The following HMGA1 variants were observed in gnomAD, a reference collection of about 807,000 sequenced individuals.
HMGA1 encodes high mobility group protein HMG-I/HMG-Y.
Under a neutral mutation model 15.1 loss-of-function variants are expected in HMGA1, and 1 was observed. The observed-to-expected ratio is 0.07, with a 90% CI of 0.02 to 0.31. The LOEUF (loss-of-function observed/expected upper bound fraction) is 0.31, where lower values mean the gene tolerates loss of function less well. Among genes scored for constraint, HMGA1 ranks in the 10% least tolerant of loss-of-function variants. The pLI is 1.00. For missense variants in HMGA1, 94 were observed against 141.4 expected (o/e 0.66, Z 1.70); for synonymous variants, 56 against 54.8 (o/e 1.02, Z -0.10).
At chr6:34,238,006 T>G (rs2127537839) in intron 2 of HMGA1, among the ~76,000 whole-genome samples, 1 of 152,166 alleles carries the variant, frequency 6.6e-6, no homozygotes, top group East Asian at 1.9e-4. Flanking sequence ...TTTGCTGGGC[T>G]CTGTTGGAAC....
intron 2 of HMGA1, 103 bp from the exon 3 acceptor site, chr6:34,240,634 G>C (rs1762225941): frequency 3.2e-6 from 3 of 945,172 alleles, no homozygotes; most frequent in Admixed American, 4.0e-5. Context: ...GGGGGCCCAT[G>C]GGAGCACAGT....
At chr6:34,237,415 C>T (rs1396699100) in intron 2 of HMGA1, 98 bp downstream of exon 2, 1 of 144,242 alleles carries the variant, frequency 6.9e-6, no homozygotes, top group African/African-American at 2.5e-5. Context: ...GGGGCTGCAG[C>T]GCGCGCCGCC....
chr6:34,238,967 C>T (rs1306514188), intron 2 of HMGA1: 4 of 152,142 alleles, frequency 2.6e-5, no homozygotes, highest in African/African-American at 9.7e-5. Flanking sequence ...GGTCAGCACT[C>T]GTTTAGTTGA....
intron 3 of HMGA1, among the ~76,000 whole-genome samples, chr6:34,241,757 G>GGA (rs1363963963): frequency 6.6e-6 from 1 of 152,254 alleles, no homozygotes; most frequent in East Asian, 1.9e-4. Flanking sequence ...AGAGGTAAGA[G>GGA]GAGTTGAGTT....
At chr6:34,237,567 G>T (rs1314886148) in intron 2 of HMGA1, among the ~76,000 whole-genome samples, 1 of 145,968 alleles carries the variant, frequency 6.9e-6, no homozygotes, top group East Asian at 2.0e-4. Context: ...GGGGGGCGGG[G>T]ACCCGGGAAA....
At chr6:34,242,080 A>G (rs1327504472) in intron 3 of HMGA1, among the ~76,000 whole-genome samples, 2 of 152,228 alleles carry the variant, frequency 1.3e-5, no homozygotes, top group East Asian at 3.9e-4. Context: ...TTCACCACAC[A>G]CCTTATATGC....
At chr6:34,242,036 G>A (rs1158605985) in intron 3 of HMGA1, among the ~76,000 whole-genome samples, 1 of 152,150 alleles carries the variant, frequency 6.6e-6, no homozygotes, top group Non-Finnish European at 1.5e-5. Flanking sequence ...GACAGACCAT[G>A]GGCGGCCCCC....
chr6:34,243,468 A>G lies in HMGA1; in HGVS notation c.220A>G (p.Lys74Glu). 6.2e-7 allele frequency: 1 copy of G among 1,613,170 alleles called. No individual in the cohort carries two copies. Among genetic ancestry groups the G allele is most frequent in the Non-Finnish European group, 8.5e-7 (1 of 1,179,206 alleles). ...GGAGATATTTTCTCTAACCCTCTAG[A>G]AAACCACCACAACTCCAGGAAGGAA... ...SKNKGAAKTR[K>E]TTTTPGRKPR... is the part of the protein sequence containing the mutation. Residue 74 changes from lysine (K) to glutamate (E), a missense_variant and splice_region_variant, in exon 5 of 6, where the codon AAA becomes GAA. Physicochemically the swap from Lys to Glu is moderately conservative, Grantham distance 56. Coordinates refer to ENST00000311487, the MANE Select transcript of HMGA1 (RefSeq NM_145899.3).
In HMGA1 at chr6:34,244,818, G is replaced by GC; in HGVS notation, c.271-10dup. On this transcript the variant is annotated splice_polypyrimidine_tract_variant and intron_variant, in intron 5 of 5. Transcript: ENST00000311487. The stretch of plus-strand genomic sequence containing the variant: ...CGGGCCAGAGCTCACACCAACAACT[G>GC]CCCACCTCACAGGAGAAGGAGGAAG... The GC allele has an allele frequency of 6.4e-7, 1 of 1,568,356 alleles. No individual in the cohort carries two copies. Among genetic ancestry groups the GC allele is most frequent in the Non-Finnish European group, 8.6e-7 (1 of 1,156,842 alleles).
chr6:34,244,837 G>C lies in HMGA1; in HGVS notation c.277G>C (p.Glu93Gln). 6.4e-7 allele frequency: 1 copy of C among 1,571,784 alleles called. No homozygotes were observed. ...ACAACTGCCCACCTCACAGGAGAAG[G>C]AGGAAGAGGAGGGCATCTCGCAGGA... ...PRGRPKKLEK[E>Q]EEEGISQESS... Residue 93 changes from glutamate (E) to glutamine (Q), a missense_variant, in exon 6 of 6, where the codon GAG (glutamate) becomes CAG (glutamine). Physicochemically the swap from Glu to Gln is conservative, Grantham distance 29. Coordinates refer to ENST00000311487, the MANE Select transcript of HMGA1 (RefSeq NM_145899.3).
intron 2 of HMGA1, among the ~76,000 whole-genome samples, chr6:34,238,254 T>TC (rs1554142165): frequency 6.6e-6 from 1 of 151,438 alleles, no homozygotes; most frequent in Non-Finnish European, 1.5e-5. Flanking sequence ...CCTGCGCCCC[T>TC]CCCCCCGCGC....
intron 5 of HMGA1, among the ~76,000 whole-genome samples, chr6:34,243,842 T>C (rs1232122500): frequency 1.3e-5 from 2 of 151,982 alleles, no homozygotes; most frequent in African/African-American, 4.8e-5. Context: ...TGTGTCCCCC[T>C]CAATTAGAGA....
intron 4 of HMGA1, 119 bp downstream of exon 4, chr6:34,242,914 C>T (rs1762416355): frequency 9.3e-6 from 7 of 755,738 alleles, no homozygotes; most frequent in Admixed American, 4.0e-5. Flanking sequence ...AGTTGTGTAC[C>T]CCCTTCCCTG....
intron 2 of HMGA1, among the ~76,000 whole-genome samples, chr6:34,239,928 C>T (rs1230202228): frequency 6.6e-6 from 1 of 152,094 alleles, no homozygotes; most frequent in Non-Finnish European, 1.5e-5. Context: ...GTCTGTTAGG[C>T]GGTGCATTTC....
At chr6:34,239,480 T>G (rs1762119611) in intron 2 of HMGA1, among the ~76,000 whole-genome samples, 2 of 152,158 alleles carry the variant, frequency 1.3e-5, no homozygotes, top group Admixed American at 1.3e-4. Context: ...ATTTTAAGTT[T>G]TTCTAAACTA....
At chr6:34,238,681 A>G (rs764673697) in intron 2 of HMGA1, 14 of 152,238 alleles carry the variant, frequency 9.2e-5, no homozygotes, top group Admixed American at 2.6e-4. Flanking sequence ...CCTCCAAGAC[A>G]GGCCTCTGAT....
At position 34,245,182 on chromosome 6, in the gene HMGA1, G is replaced by T. The variant is rs767493668; in HGVS notation, c.*298G>T. On this transcript the variant is annotated 3_prime_UTR_variant, in exon 6 of 6. Transcript: ENST00000311487. ...GACAAGGCTAACATCCCACTTAGCC[G>T]CACCCTGCACCTGCTGCGTCCCCAC... The T allele has an allele frequency of 7.0e-7, 1 of 1,430,218 alleles. No individual in the cohort carries two copies. The highest frequency in any genetic ancestry group is 9.3e-7 in the Non-Finnish European group (1 of 1,079,424). The allele number at this position is 1,430,218 out of a possible 1,614,324, so 88.6% of individuals were successfully genotyped here.
chr6:34,240,954 T>G (rs1435696933), intron 3 of HMGA1, 39 bp downstream of exon 3: 1 of 1,612,426 alleles, frequency 6.2e-7, no homozygotes, highest in African/African-American at 1.3e-5. Context: ...GTTTACCCTT[T>G]GGGGCTAGGG....
rs1762678468 is a variant in HMGA1 at position 34,245,535 on chromosome 6, G to T, written c.*651G>T. On this transcript the variant is annotated 3_prime_UTR_variant, in exon 6 of 6. Transcript: ENST00000311487. ...CCCCTTCGGTTACAGGAAGGCAGGAGGGGTGAGTCCCCTACTCCCTCTTCA... is the reference window on the plus strand; with the variant it reads ...CCCCTTCGGTTACAGGAAGGCAGGATGGGTGAGTCCCCTACTCCCTCTTCA... The T allele has an allele frequency of 1.4e-6, 2 of 1,381,734 alleles. No homozygotes were observed. Among genetic ancestry groups the T allele is most frequent in the Admixed American group, 2.2e-5 (1 of 45,862 alleles). The allele number at this position is 1,381,734 out of a possible 1,614,324, so 85.6% of individuals were successfully genotyped here. A position where few individuals can be genotyped will look rare whatever the true frequency, so the allele number is the denominator to read the frequency against.
Sources: gnomAD v4.1 joint callset for allele counts (sites outside exome capture counted in the v4.1 genomes callset) on GRCh38, gnomAD v4.1.1 for gene constraint, MANE v1.5 for transcripts, NCBI Gene and HGNC (gene_info 2026-07-23, HGNC 2026-07-21) for gene names.